The following AFF1 variants were observed in gnomAD, a reference collection of about 807,000 sequenced individuals.
The protein encoded by AFF1 is ALF transcription elongation factor 1, also known as AF4/FMR2 family member 1.
Under a neutral mutation model 121.7 loss-of-function variants are expected in AFF1, and 48 were observed. The ratio of observed to expected loss-of-function variants is 0.39; its 90% CI spans 0.31 to 0.50. The LOEUF (loss-of-function observed/expected upper bound fraction) is 0.50, where lower values mean the gene tolerates loss of function less well. AFF1 is among the 20% of genes least tolerant of loss of function. AFF1 has a pLI of 0.76. For missense variants in AFF1, 1,523 were observed against 1,511.7 expected, an observed-to-expected ratio of 1.01 and a Z score of -0.12; for synonymous variants, 613 against 563.0, an observed-to-expected ratio of 1.09 and a Z score of -1.26.
intron 4 of AFF1, among the ~76,000 whole-genome samples, chr4:87,061,507 C>CA (rs1242301337): frequency 6.6e-6 from 1 of 152,232 alleles, no homozygotes; most frequent in African/African-American, 2.4e-5. Context: ...CACAGAGCGT[C>CA]AGAGACTGTT....
intron 1 of AFF1, among the ~76,000 whole-genome samples, chr4:86,940,310 T>C (rs920706297): frequency 2.6e-5 from 4 of 152,182 alleles, no homozygotes; most frequent in Non-Finnish European, 4.4e-5. Context: ...CTTAGACTGG[T>C]TTCCTAAGCC....
At chr4:87,036,297 C>G (rs1291968780) in intron 2 of AFF1, among the ~76,000 whole-genome samples, 1 of 152,108 alleles carries the variant, frequency 6.6e-6, no homozygotes, top group Admixed American at 6.5e-5. Context: ...ACTGAATTTT[C>G]TGAAATTTGT....
chr4:87,032,198 T>A (rs1038375604), intron 2 of AFF1, among the ~76,000 whole-genome samples: 2 of 152,094 alleles, frequency 1.3e-5, no homozygotes, highest in Non-Finnish European at 2.9e-5. Flanking sequence ...TGAGCTGGGG[T>A]TATGATGAAA....
chr4:87,076,480 A>G (rs1004717508), intron 4 of AFF1, among the ~76,000 whole-genome samples: 1 of 152,218 alleles, frequency 6.6e-6, no homozygotes, highest in Non-Finnish European at 1.5e-5. Flanking sequence ...TTATTTAAAG[A>G]TATCTGGGAT....
At chr4:87,127,956 T>G (rs1335213563) in intron 16 of AFF1, among the ~76,000 whole-genome samples, 2 of 152,170 alleles carry the variant, frequency 1.3e-5, no homozygotes. Context: ...CTCCATTGAT[T>G]CAGTCTGATC....
chr4:87,052,559 G>T (rs1011285085), intron 4 of AFF1, among the ~76,000 whole-genome samples: 2 of 152,130 alleles, frequency 1.3e-5, no homozygotes, highest in African/African-American at 4.8e-5. Flanking sequence ...GGCCGTGAAA[G>T]GCATTTGGGT....
At chr4:87,006,737 G>A (rs1400394295) in intron 2 of AFF1, among the ~76,000 whole-genome samples, 1 of 152,224 alleles carries the variant, frequency 6.6e-6, no homozygotes. Flanking sequence ...TCCAGCGGTG[G>A]GTGTCTGTAC....
intron 2 of AFF1, among the ~76,000 whole-genome samples, chr4:86,993,036 ATTTAGT>A (rs1193986460): frequency 6.6e-6 from 1 of 152,190 alleles, no homozygotes; most frequent in Admixed American, 6.5e-5. Context: ...TGTTGATTTG[ATTTAGT>A]TTTAATCTTC....
At chr4:87,035,100 A>T (rs1729428543) in intron 2 of AFF1, among the ~76,000 whole-genome samples, 1 of 152,184 alleles carries the variant, frequency 6.6e-6, no homozygotes, top group Non-Finnish European at 1.5e-5. Context: ...AGGCAGGGAT[A>T]CTGAGGAAGA....
At position 87,019,374 on chromosome 4, in the gene AFF1, A is replaced by C. The variant is rs545563289; in HGVS notation, c.39-26792A>C. Among the ~76,000 whole-genome samples the C allele has an allele frequency of 1.3e-4, 20 of 152,346 alleles. No individual in the cohort carries two copies. In the South Asian group the frequency reaches 4.1e-3, roughly 32 times the overall value. Reference sequence around the variant, plus strand: ...TCTCTTATCTTCCTTTCACTTGCCCAAGGCAGGACTCTAATCTAATTGTAA... The same window carrying C: ...TCTCTTATCTTCCTTTCACTTGCCCCAGGCAGGACTCTAATCTAATTGTAA... On this transcript the variant is annotated intron_variant, in intron 2 of 20. Transcript: ENST00000395146.
At chr4:87,095,223 A>G (rs1456774508) in intron 8 of AFF1, among the ~76,000 whole-genome samples, 2 of 152,144 alleles carry the variant, frequency 1.3e-5, no homozygotes, top group Admixed American at 6.5e-5. Flanking sequence ...GGCTCAAGCG[A>G]TTCTCATGCG....
intron 2 of AFF1, among the ~76,000 whole-genome samples, chr4:86,971,321 C>T (rs1305501134): frequency 6.6e-6 from 1 of 152,146 alleles, no homozygotes; most frequent in Non-Finnish European, 1.5e-5. Context: ...TTTTTAATAG[C>T]TAGGTCTCTG....
chr4:87,124,674 T>C (rs1201158681), intron 12 of AFF1, among the ~76,000 whole-genome samples: 1 of 152,254 alleles, frequency 6.6e-6, no homozygotes, highest in African/African-American at 2.4e-5. Flanking sequence ...TATTATTTGA[T>C]GTAAATATGC....
chr4:87,086,268 C>G (rs950798524), intron 5 of AFF1, among the ~76,000 whole-genome samples: 1 of 152,082 alleles, frequency 6.6e-6, no homozygotes, highest in South Asian at 2.1e-4. Context: ...GAAGTAAATG[C>G]AACAGTGCAG....
chr4:86,958,194 A>G (rs560946350), intron 2 of AFF1, among the ~76,000 whole-genome samples: 2 of 149,110 alleles, frequency 1.3e-5, no homozygotes, highest in African/African-American at 4.9e-5. Flanking sequence ...CTCAGGTTCA[A>G]GCAATTCTTC....
chr4:87,060,209 A>T (rs1418816631), intron 4 of AFF1, among the ~76,000 whole-genome samples: 1 of 152,246 alleles, frequency 6.6e-6, no homozygotes. Context: ...GTTGAGTTCC[A>T]GCCTCATAAT....
chr4:87,007,251 C>A (rs1400151236), intron 2 of AFF1: 6 of 1,495,098 alleles, frequency 4.0e-6, no homozygotes, highest in Non-Finnish European at 5.3e-6. Context: ...GCCGAGGACG[C>A]CCGGGGCTCG....
Position 87,060,835 on chromosome 4 carries a change from C to CA in AFF1, c.1059+13273dup, listed in dbSNP as rs749186199. Among the ~76,000 whole-genome samples the CA allele has an allele frequency of 2.8e-3, 174 of 62,222 alleles. 1 individual carries two copies. Among genetic ancestry groups the CA allele is most frequent in the East Asian group, 6.9e-3 (13 of 1,874 alleles). 40.8% of individuals were successfully genotyped at this position (62,222 alleles called of 152,430 possible). ...GCCTGGCGAGAGTGAGACTCTGTCT[C>CA]AAAAAAAAAAAAAAAAAAAAAAAAA... On this transcript the variant is annotated intron_variant, in intron 4 of 20. Coordinates refer to ENST00000395146, the MANE Select transcript of AFF1 (RefSeq NM_001166693.3).
chr4:87,128,364 T>C (rs999573508), intron 16 of AFF1, among the ~76,000 whole-genome samples: 1 of 152,256 alleles, frequency 6.6e-6, no homozygotes, highest in African/African-American at 2.4e-5. Context: ...TACATAATTA[T>C]GCTTTTACAT....
Sources: allele counts gnomAD v4.1 joint callset (sites outside exome capture counted in the v4.1 genomes callset), GRCh38; gene constraint gnomAD v4.1.1; transcripts MANE v1.5; gene names NCBI Gene and HGNC (gene_info 2026-07-23, HGNC 2026-07-21).